The following SMG6 variants were observed in gnomAD, a reference collection of about 807,000 sequenced individuals.
SMG6 encodes telomerase-binding protein EST1A.
In SMG6, 66 loss-of-function variants were observed where a neutral mutation model predicts 142.2. The observed-to-expected ratio is 0.46, with a 90% CI of 0.38 to 0.57. The LOEUF (loss-of-function observed/expected upper bound fraction) is 0.57, where lower values mean the gene tolerates loss of function less well. SMG6 is among the 20% of genes least tolerant of loss of function. SMG6 has a pLI of 0.00. For synonymous variants in SMG6, 779 were observed against 702.4 expected (o/e 1.11, Z -1.72); for missense variants, 1,793 against 1,832.0 (o/e 0.98, Z 0.39).
At chr17:2,159,139 G>A (rs1286486287) in intron 13 of SMG6, among the ~76,000 whole-genome samples, 1 of 152,130 alleles carries the variant, frequency 6.6e-6, no homozygotes, top group Non-Finnish European at 1.5e-5. Flanking sequence ...TTAAAACTAT[G>A]GCCAGGCACA....
intron 13 of SMG6, among the ~76,000 whole-genome samples, chr17:2,131,971 C>A (rs2070135997): frequency 6.6e-6 from 1 of 152,052 alleles, no homozygotes; most frequent in African/African-American, 2.4e-5. Context: ...ACCCGGGAGA[C>A]TGAGGCAGGC....
At chr17:2,197,507 A>C (rs1319103190) in intron 10 of SMG6, among the ~76,000 whole-genome samples, 1 of 152,296 alleles carries the variant, frequency 6.6e-6, no homozygotes. Context: ...TCAAGGCTGC[A>C]GTGACCCGTG....
rs2074940173 is a variant in SMG6, at chr17:2,287,781, G to A, written c.2338-4046C>T. ...TGAACCTTGAGGACCTAAGCTAAGTGAAATAAGCCAGTCACAAGAGGACAA... is the reference window on the plus strand; with the variant it reads ...TGAACCTTGAGGACCTAAGCTAAGTAAAATAAGCCAGTCACAAGAGGACAA... On this transcript the variant is annotated intron_variant, in intron 6 of 18. Transcript: ENST00000263073. Among the ~76,000 whole-genome samples the A allele has an allele frequency of 2.0e-5, 3 of 152,310 alleles. No individual in the cohort carries two copies. The South Asian group carries it at 6.2e-4, about 32-fold the overall frequency.
intron 10 of SMG6, among the ~76,000 whole-genome samples, chr17:2,197,159 T>C (rs1322158164): frequency 6.6e-6 from 1 of 152,160 alleles, no homozygotes; most frequent in Non-Finnish European, 1.5e-5. Flanking sequence ...TTAAAAACTT[T>C]TGCACTGCAA....
At chr17:2,143,366 G>T (rs1043744387) in intron 13 of SMG6, among the ~76,000 whole-genome samples, 1 of 152,072 alleles carries the variant, frequency 6.6e-6, no homozygotes, top group Non-Finnish European at 1.5e-5. Flanking sequence ...AACAAATGTG[G>T]AATTACCATA....
chr17:2,083,949 G>A (rs902251017), intron 14 of SMG6, among the ~76,000 whole-genome samples: 5 of 152,208 alleles, frequency 3.3e-5, no homozygotes, highest in African/African-American at 1.2e-4. Context: ...GAAGAAGTGG[G>A]CAGCCTGGTG....
rs1348285216 is a variant in SMG6 at position 2,272,873 on chromosome 17, G to T, written c.2661+9774C>A. 2.0e-5 allele frequency among the ~76,000 whole-genome samples: 3 copies of T among 151,912 alleles called. No homozygotes were observed. In the East Asian group the frequency reaches 5.8e-4, roughly 29 times the overall value. On this transcript the variant is annotated intron_variant, in intron 8 of 18. Transcript: ENST00000263073. ...GAATGGCGTGAACCCAGGAGGCGGAGGAGCTGAGTTCACGCCACTGCACTC... is the reference window on the plus strand; with the variant it reads ...GAATGGCGTGAACCCAGGAGGCGGATGAGCTGAGTTCACGCCACTGCACTC...
At chr17:2,170,940 A>G (rs549017588) in intron 13 of SMG6, among the ~76,000 whole-genome samples, 3 of 152,334 alleles carry the variant, frequency 2.0e-5, no homozygotes, top group African/African-American at 7.2e-5. Context: ...ATGATTCCAT[A>G]TAAGAATATA....
intron 14 of SMG6, among the ~76,000 whole-genome samples, chr17:2,083,130 A>G (rs2068468405): frequency 6.6e-6 from 1 of 152,160 alleles, no homozygotes; most frequent in Non-Finnish European, 1.5e-5. Context: ...ATAATAAGCT[A>G]AGCCATCCTG....
At chr17:2,194,749 G>T (rs1198025913) in intron 10 of SMG6, among the ~76,000 whole-genome samples, 2 of 151,876 alleles carry the variant, frequency 1.3e-5, no homozygotes, top group Admixed American at 6.6e-5. Flanking sequence ...AGAGGCTGGA[G>T]ATAATGCTGT....
At chr17:2,173,222 A>C in intron 12 of SMG6, 1 of 283,530 alleles carries the variant, frequency 3.5e-6, no homozygotes, top group Non-Finnish European at 6.8e-6. Context: ...TGCTCCCAGA[A>C]TTCCCCACTG....
chr17:2,163,127 T>C (rs2071232667), intron 13 of SMG6, among the ~76,000 whole-genome samples: 1 of 151,620 alleles, frequency 6.6e-6, no homozygotes, highest in African/African-American at 2.4e-5. Context: ...CCAACATGCC[T>C]GGCTGCTAAT....
At chr17:2,128,088 A>C (rs923862) in intron 13 of SMG6, among the ~76,000 whole-genome samples, 52,661 of 151,722 alleles carry the variant, frequency 0.35, 9,826 homozygotes, top group African/African-American at 0.49. Flanking sequence ...GCAGGAAGTG[A>C]GTATAGGCAC....
chr17:2,226,598 AC>A (rs1421692073), intron 10 of SMG6, among the ~76,000 whole-genome samples: 92 of 150,332 alleles, frequency 6.1e-4, no homozygotes, highest in African/African-American at 1.7e-3. Context: ...AAACAAACAA[AC>A]AAAAAAAAAA....
intron 13 of SMG6, chr17:2,087,192 G>T (rs1053193451): frequency 1.3e-5 from 17 of 1,290,358 alleles, no homozygotes; most frequent in African/African-American, 7.6e-5. Context: ...GGCAAGAATT[G>T]TAAGGACAAG....
At position 2,253,057 on chromosome 17, in the gene SMG6, CA is replaced by C. The variant is rs527466111; in HGVS notation, c.2662-8339del. On this transcript the variant is annotated intron_variant, in intron 8 of 18. Coordinates refer to ENST00000263073, the MANE Select transcript of SMG6 (RefSeq NM_017575.5). Reference sequence around the variant, plus strand: ...ATTGTCAGTGGCTGCTTTCCCCCTACAAAGGCAGAGCTGAGTAGCTGCAGCA... The same window carrying C: ...ATTGTCAGTGGCTGCTTTCCCCCTACAAGGCAGAGCTGAGTAGCTGCAGCA... 2.4e-4 allele frequency among the ~76,000 whole-genome samples: 37 copies of C among 152,224 alleles called. No homozygotes were observed. The South Asian group carries it at 7.5e-3, about 31-fold the overall frequency.
chr17:2,157,409 A>C (rs1012895798), intron 13 of SMG6, among the ~76,000 whole-genome samples: 10 of 152,176 alleles, frequency 6.6e-5, no homozygotes, highest in African/African-American at 2.4e-4. Flanking sequence ...CCACATACTC[A>C]ACTTCTGCTT....
At chr17:2,186,571 C>T in intron 12 of SMG6, 92 bp downstream of exon 12, 3 of 1,424,204 alleles carry the variant, frequency 2.1e-6, no homozygotes, top group Middle Eastern at 4.4e-4. Context: ...AGGCTGTGGG[C>T]AGAAAGAAAC....
chr17:2,142,888 C>CA (rs1164289108), intron 13 of SMG6, among the ~76,000 whole-genome samples: 863 of 51,994 alleles, frequency 0.017, 9 homozygotes, highest in Non-Finnish European at 0.018. Context: ...AACACTGTCT[C>CA]AAAAAAAAAA....
Sources: allele counts gnomAD v4.1 joint callset (sites outside exome capture counted in the v4.1 genomes callset), GRCh38; gene constraint gnomAD v4.1.1; transcripts MANE v1.5; gene names NCBI Gene and HGNC (gene_info 2026-07-23, HGNC 2026-07-21).